The following MICAL2 variants were observed in gnomAD, a reference collection of about 807,000 sequenced individuals.
MICAL2 encodes microtubule associated monooxygenase, calponin and LIM domain containing 2, also known as [F-actin]-monooxygenase MICAL2.
MICAL2 carries 77 observed loss-of-function variants against 127.3 expected under a neutral mutation model. The ratio of observed to expected loss-of-function variants is 0.60; its 90% confidence interval spans 0.50 to 0.73. MICAL2 has a LOEUF of 0.73. Among genes scored for constraint, MICAL2 ranks in the 30% least tolerant of loss-of-function variants. MICAL2 has a pLI of 0.00. For missense variants in MICAL2, 1,351 were observed against 1,434.4 expected (o/e 0.94, Z 0.94); for synonymous variants, 570 against 551.1 (o/e 1.03, Z -0.48).
rs113082277 is a variant in MICAL2, at chr11:12,256,752, A to C, written c.2956-33A>C. 2.5e-6 allele frequency: 4 copies of C among 1,575,244 alleles called. No individual in the cohort carries two copies. The African/African-American group carries it at 5.4e-5, about 21-fold the overall frequency. On this transcript the variant is annotated intron_variant, in intron 23 of 27. Coordinates refer to ENST00000683283, the MANE Select transcript of MICAL2 (RefSeq NM_001282663.2). Reference sequence around the variant, plus strand: ...GGCATTTGAAGGCTCGGGATAAGCCATAATACACCCACTCTTCTCTCCCGA... The same window carrying C: ...GGCATTTGAAGGCTCGGGATAAGCCCTAATACACCCACTCTTCTCTCCCGA...
At chr11:12,169,374 T>C (rs923656419) in intron 3 of MICAL2, among the ~76,000 whole-genome samples, 1 of 58,942 alleles carries the variant, frequency 1.7e-5, no homozygotes, top group Non-Finnish European at 3.9e-5. Flanking sequence ...AATAGCACCA[T>C]CTCTTTTATT....
chr11:12,229,123 T>C (rs1416787123), intron 15 of MICAL2, among the ~76,000 whole-genome samples: 1 of 152,136 alleles, frequency 6.6e-6, no homozygotes, highest in Non-Finnish European at 1.5e-5. Flanking sequence ...CAGCCTCCTT[T>C]CCCTGGGCTG....
chr11:12,262,877 T>C (rs1863313336), intron 27 of MICAL2: 1 of 235,254 alleles, frequency 4.3e-6, no homozygotes, highest in South Asian at 1.0e-4. Context: ...CATGAAACAA[T>C]ACCATGAGGG....
At chr11:12,352,679 C>G (rs1394573611) in intron 33 of MICAL2, among the ~76,000 whole-genome samples, 4 of 152,140 alleles carry the variant, frequency 2.6e-5, no homozygotes, top group Admixed American at 2.6e-4. Flanking sequence ...AACCGGATGC[C>G]AAGACACTTC....
At chr11:12,280,405 A>C (rs952717619) in intron 1 of MICAL2, among the ~76,000 whole-genome samples, 5 of 152,178 alleles carry the variant, frequency 3.3e-5, no homozygotes, top group Non-Finnish European at 5.9e-5. Context: ...CTGCCATAAC[A>C]AAGCACCACA....
chr11:12,129,608 C>A, intron 1 of MICAL2, among the ~76,000 whole-genome samples: 1 of 141,304 alleles, frequency 7.1e-6, no homozygotes, highest in Admixed American at 7.0e-5. Flanking sequence ...GACCTTTATA[C>A]AATTCTACTC....
chr11:12,334,160 T>A (rs941853064), intron 32 of MICAL2, among the ~76,000 whole-genome samples: 1 of 152,192 alleles, frequency 6.6e-6, no homozygotes, highest in Admixed American at 6.5e-5. Flanking sequence ...ACAGTCACAC[T>A]CTGTTATCCA....
Position 12,220,369 on chromosome 11 carries a change from T to G in MICAL2, c.1117T>G (p.Cys373Gly), listed in dbSNP as rs1340400934. 1 of 1,614,112 alleles carries G rather than the reference T, an allele frequency of 6.2e-7. No homozygotes were observed. The highest frequency in any genetic ancestry group is 1.7e-5 in the Admixed American group (1 of 60,012). The change falls in exon 9 of 28, where the codon TGC (cysteine) becomes GGC (glycine). Residue 373 changes from cysteine to glycine, a missense_variant. Physicochemically the swap from Cys to Gly is radical, Grantham distance 159. Coordinates refer to ENST00000683283, the MANE Select transcript of MICAL2 (RefSeq NM_001282663.2). Reference protein sequence around the residue: ...QPDVAMFDFTCMYASENAALV... With the variant: ...QPDVAMFDFTGMYASENAALV... ...TGATGTGGCCATGTTTGACTTTACC[T>G]GCATGTATGCCTCAGAGAACGCGGC...
At chr11:12,290,322 C>T (rs192101408), downstream of MICAL2, among the ~76,000 whole-genome samples, 2 of 152,226 alleles carry the variant, frequency 1.3e-5, no homozygotes, top group East Asian at 1.9e-4. Flanking sequence ...GTCATGACCT[C>T]GTGAGACCTG....
chr11:12,261,614 T>C (rs772722819), intron 26 of MICAL2: 7 of 985,492 alleles, frequency 7.1e-6, no homozygotes, highest in Non-Finnish European at 8.4e-6. Flanking sequence ...CTGGATTAAC[T>C]AAGAGGTGTG....
intron 12 of MICAL2, 38 bp from the exon 13 acceptor site, chr11:12,224,635 C>G: frequency 1.3e-6 from 2 of 1,599,432 alleles, no homozygotes; most frequent in Non-Finnish European, 1.7e-6. Flanking sequence ...GTGTGAGATT[C>G]CTGCAGAGCC....
At chr11:12,281,298 G>A (rs1192717654) in intron 2 of MICAL2, among the ~76,000 whole-genome samples, 4 of 152,218 alleles carry the variant, frequency 2.6e-5, no homozygotes, top group Non-Finnish European at 4.4e-5. Context: ...CCCTCTCCAT[G>A]AGAAGCTTTG....
At chr11:12,175,574 G>A (rs1441813626) in intron 3 of MICAL2, among the ~76,000 whole-genome samples, 1 of 145,468 alleles carries the variant, frequency 6.9e-6, no homozygotes, top group Non-Finnish European at 1.5e-5. Flanking sequence ...ATAAACAAAT[G>A]TGTGGGGAGT....
At chr11:12,329,862 G>T (rs1316330337) in intron 32 of MICAL2, among the ~76,000 whole-genome samples, 1 of 121,964 alleles carries the variant, frequency 8.2e-6, no homozygotes, top group Non-Finnish European at 1.6e-5. Flanking sequence ...CCCCAAATAT[G>T]AAAAAAAAAA....
At chr11:12,264,225 C>A (rs989588752), downstream of MICAL2, among the ~76,000 whole-genome samples, 13 of 152,166 alleles carry the variant, frequency 8.5e-5, no homozygotes, top group Non-Finnish European at 1.8e-4. Flanking sequence ...CACGCTGGTG[C>A]ACAGCTGAGT....
At chr11:12,136,723 G>C (rs1197442400) in intron 1 of MICAL2, among the ~76,000 whole-genome samples, 1 of 152,164 alleles carries the variant, frequency 6.6e-6, no homozygotes, top group African/African-American at 2.4e-5. Flanking sequence ...GTCAGACAAA[G>C]GGTACGAGTT....
chr11:12,238,203 G>A (rs550792845), intron 16 of MICAL2, among the ~76,000 whole-genome samples: 1 of 152,342 alleles, frequency 6.6e-6, no homozygotes, highest in South Asian at 2.1e-4. Context: ...CATTCCTGGT[G>A]TCCTTGGGAA....
In MICAL2 at chr11:12,239,452, G is replaced by C; in HGVS notation, c.2081G>C (p.Ser694Thr). 6.2e-7 allele frequency: 1 copy of C among 1,614,180 alleles called. No homozygotes were observed. Among genetic ancestry groups the C allele is most frequent in the African/African-American group, 1.3e-5 (1 of 75,058 alleles). ...CCTTTGCAGCCTTCAAACTTTTCCA[G>C]CCGTAGCTTGGGCTCCAATCAAGAG... Reference protein sequence around the residue: ...TNLDEPSNFSSRSLGSNQECG... With the variant: ...TNLDEPSNFSTRSLGSNQECG... Residue 694 changes from serine (S) to threonine (T), a missense_variant, in exon 17 of 28, where the codon AGC becomes ACC. By Grantham distance (58) the Ser-to-Thr change is moderately conservative. Coordinates refer to ENST00000683283, the MANE Select transcript of MICAL2 (RefSeq NM_001282663.2).
At chr11:12,171,922 A>T (rs1401505548) in intron 3 of MICAL2, among the ~76,000 whole-genome samples, 1 of 152,196 alleles carries the variant, frequency 6.6e-6, no homozygotes. Flanking sequence ...CATGTAGTAA[A>T]TATAAAAAAT....
Sources: allele counts gnomAD v4.1 joint callset (sites outside exome capture counted in the v4.1 genomes callset), GRCh38; gene constraint gnomAD v4.1.1; transcripts MANE v1.5; gene names NCBI Gene and HGNC (gene_info 2026-07-23, HGNC 2026-07-21).